Variants in SLC5A1 observed in about 807,000 individuals in gnomAD.
The protein encoded by SLC5A1 is solute carrier family 5 member 1.
SLC5A1 carries 42 observed loss-of-function variants against 73.5 expected under a neutral mutation model. The observed-to-expected ratio is 0.57, with a 90% CI of 0.45 to 0.74. The LOEUF (loss-of-function observed/expected upper bound fraction) is 0.74, where lower values mean the gene tolerates loss of function less well. SLC5A1 is among the 30% of genes least tolerant of loss of function. The pLI is 0.00. For synonymous variants in SLC5A1, 300 were observed against 317.4 expected (o/e 0.95, Z 0.58); for missense variants, 634 against 855.4 (o/e 0.74, Z 3.23).
chr22:32,044,599 A>G (rs2093934733), intron 1 of SLC5A1, among the ~76,000 whole-genome samples: 1 of 151,574 alleles, frequency 6.6e-6, no homozygotes, highest in Admixed American at 6.6e-5. Context: ...AGTATGGCTG[A>G]CTTTTCCTCA....
At chr22:32,050,431 G>A (rs1423206566) in intron 2 of SLC5A1, among the ~76,000 whole-genome samples, 4 of 152,180 alleles carry the variant, frequency 2.6e-5, no homozygotes, top group African/African-American at 7.2e-5. Flanking sequence ...CAGCAGAGAA[G>A]CTTCTGGAAG....
chr22:32,086,461 G>T (rs1431860913), intron 10 of SLC5A1, 134 bp downstream of exon 10: 2 of 706,558 alleles, frequency 2.8e-6, no homozygotes, highest in East Asian at 2.8e-5. Flanking sequence ...AAGCATCATT[G>T]TGGGTGTCCT....
At chr22:32,099,141 G>A (rs531447904) in intron 11 of SLC5A1, 42 bp from the exon 12 acceptor site, 6 of 885,958 alleles carry the variant, frequency 6.8e-6, no homozygotes, top group Admixed American at 5.6e-5. Context: ...TACTCATGTA[G>A]AGCTATTTAT....
At chr22:32,059,743 C>T (rs1200923090) in intron 2 of SLC5A1, among the ~76,000 whole-genome samples, 2 of 152,180 alleles carry the variant, frequency 1.3e-5, no homozygotes, top group African/African-American at 4.8e-5. Context: ...AGAACTCTCA[C>T]AATCCCATCT....
At chr22:32,097,257 G>C (rs1164463749) in intron 11 of SLC5A1, among the ~76,000 whole-genome samples, 1 of 152,212 alleles carries the variant, frequency 6.6e-6, no homozygotes, top group Non-Finnish European at 1.5e-5. Flanking sequence ...CTCAGATAAG[G>C]GAGTGATGAG....
chr22:32,074,490 C>T (rs891786405), intron 5 of SLC5A1, among the ~76,000 whole-genome samples: 2 of 152,156 alleles, frequency 1.3e-5, no homozygotes, highest in African/African-American at 4.8e-5. Context: ...CGTCACCCTC[C>T]TGCTCACGTT....
intron 2 of SLC5A1, among the ~76,000 whole-genome samples, chr22:32,056,338 C>G (rs1472021847): frequency 6.6e-6 from 1 of 151,960 alleles, no homozygotes; most frequent in Non-Finnish European, 1.5e-5. Flanking sequence ...GTTTTAAGTC[C>G]TCCAGGTGAT....
Position 32,066,941 on chromosome 22 carries a change from G to A in SLC5A1, c.214G>A (p.Ala72Thr). The change falls in exon 3 of 15, where the codon GCC (alanine) becomes ACC (threonine). Residue 72 changes from alanine (A) to threonine (T), a missense_variant. Ala to Thr is a moderately conservative substitution (Grantham distance 58). Coordinates refer to ENST00000266088, the MANE Select transcript of SLC5A1 (RefSeq NM_000343.4). Reference sequence around the variant, plus strand: ...CTTTCTTTTGCGTTTCCAGATTGGAGCCTCCCTCTTTGCTAGTAACATTGG... The same window carrying A: ...CTTTCTTTTGCGTTTCCAGATTGGAACCTCCCTCTTTGCTAGTAACATTGG... ...GRSMVWWPIGASLFASNIGSG... is the reference protein window; with the variant it reads ...GRSMVWWPIGTSLFASNIGSG... 1 of 1,612,960 alleles carries A rather than the reference G, an allele frequency of 6.2e-7. No individual in the cohort carries two copies. Among genetic ancestry groups the A allele is most frequent in the Non-Finnish European group, 8.5e-7 (1 of 1,179,088 alleles).
chr22:32,061,259 A>C (rs1352329932), intron 2 of SLC5A1, among the ~76,000 whole-genome samples: 1 of 152,122 alleles, frequency 6.6e-6, no homozygotes, highest in Non-Finnish European at 1.5e-5. Context: ...CCCTGTCTCT[A>C]CTAAAATTAG....
At chr22:32,083,697 A>G (rs566389678) in intron 7 of SLC5A1, among the ~76,000 whole-genome samples, 1 of 149,334 alleles carries the variant, frequency 6.7e-6, no homozygotes, top group African/African-American at 2.5e-5. Flanking sequence ...TTACTTGTCT[A>G]TGAAATCTTA....
chr22:32,056,506 G>A (rs1292395418), intron 2 of SLC5A1, among the ~76,000 whole-genome samples: 1 of 130,718 alleles, frequency 7.7e-6, no homozygotes, highest in East Asian at 2.5e-4. Flanking sequence ...TGCTACAAAT[G>A]TATAATGAAT....
chr22:32,052,505 G>A lies in SLC5A1; in HGVS notation c.207+2491G>A, dbSNP rs537899757. ...AATTGGAGAGGAAGAGAGGGAACCAGGCAACTGGACATGAGAGAGGCAGGG... is the reference window on the plus strand; with the variant it reads ...AATTGGAGAGGAAGAGAGGGAACCAAGCAACTGGACATGAGAGAGGCAGGG... On this transcript the variant is annotated intron_variant, in intron 2 of 14. Coordinates refer to ENST00000266088, the MANE Select transcript of SLC5A1 (RefSeq NM_000343.4). 2.4e-4 allele frequency among the ~76,000 whole-genome samples: 36 copies of A among 152,268 alleles called. No individual in the cohort carries two copies. The East Asian group carries it at 6.4e-3, about 27-fold the overall frequency.
chr22:32,112,362 A>C lies in SLC5A1; in HGVS notation c.*2149A>C, dbSNP rs1229885375. ...GTTCCTCACCTTGGCTGAGTCCCTA[A>C]AACTCTCTGAACCTCAGGTTCCTCC... On this transcript the variant is annotated 3_prime_UTR_variant, in exon 15 of 15. Transcript: ENST00000266088. 2 of 152,140 alleles carry C rather than the reference A, an allele frequency of 1.3e-5. No individual in the cohort carries two copies. Among genetic ancestry groups the C allele is most frequent in the Admixed American group, 1.3e-4 (2 of 15,278 alleles). 9.4% of individuals were successfully genotyped at this position (152,140 alleles called of 1,614,324 possible).
Position 32,068,492 on chromosome 22 carries a change from G to A in SLC5A1, c.373-4G>A. The A allele has an allele frequency of 6.2e-7, 1 of 1,608,160 alleles. No homozygotes were observed. Among genetic ancestry groups the A allele is most frequent in the Non-Finnish European group, 8.5e-7 (1 of 1,174,572 alleles). On this transcript the variant is annotated splice_region_variant and splice_polypyrimidine_tract_variant and intron_variant, in intron 4 of 14. Transcript: ENST00000266088. ...GGCAGTGACCTCCCTCGCACCCCATGCAGGTGGTGACAATGCCAGAGTACC... is the reference window on the plus strand; with the variant it reads ...GGCAGTGACCTCCCTCGCACCCCATACAGGTGGTGACAATGCCAGAGTACC...
intron 8 of SLC5A1, 61 bp downstream of exon 8, chr22:32,084,720 G>A (rs1197758277): frequency 3.2e-6 from 5 of 1,546,508 alleles, no homozygotes; most frequent in African/African-American, 1.4e-5. Flanking sequence ...AGGAACTCCT[G>A]TCTGTCTGTG....
Position 32,084,464 on chromosome 22 carries a change from C to T in SLC5A1, c.690C>T (p.Asp230=), listed in dbSNP as rs200871315. The stretch of plus-strand genomic sequence containing the variant: ...CTTTTCACGAAGTGGGAGGCTATGA[C>T]GCCTTCATGGAAAAGTACATGAAAG... ...GFAFHEVGGY[D]AFMEKYMKAI... Residue 230 remains aspartate, a synonymous_variant, in exon 8 of 15, where the codon GAC becomes GAT. Coordinates refer to ENST00000266088, the MANE Select transcript of SLC5A1 (RefSeq NM_000343.4). 6.1e-5 allele frequency: 99 copies of T among 1,614,050 alleles called. 1 individual carries two copies. The highest frequency in any genetic ancestry group is 1.6e-4 in the Middle Eastern group (1 of 6,084).
intron 4 of SLC5A1, 56 bp from the exon 5 acceptor site, chr22:32,068,440 G>A (rs2093977666): frequency 2.9e-6 from 3 of 1,043,480 alleles, no homozygotes; most frequent in African/African-American, 1.6e-5. Context: ...TGTTCTGTCT[G>A]CTCTGGGCCC....
intron 12 of SLC5A1, 50 bp downstream of exon 12, chr22:32,099,401 T>G: frequency 1.3e-6 from 2 of 1,524,686 alleles, no homozygotes; most frequent in Non-Finnish European, 1.8e-6. Flanking sequence ...CATAGAAGTT[T>G]CCATGTGGGT....
chr22:32,112,313 C>G lies in SLC5A1; in HGVS notation c.*2100C>G, dbSNP rs2094058674. Reference sequence around the variant, plus strand: ...TTCTGCAGCAGGGAGGAGGGACTGTCAACCCCTACACCATGACCACCAAGT... The same window carrying G: ...TTCTGCAGCAGGGAGGAGGGACTGTGAACCCCTACACCATGACCACCAAGT... On this transcript the variant is annotated 3_prime_UTR_variant, in exon 15 of 15. Coordinates refer to ENST00000266088, the MANE Select transcript of SLC5A1 (RefSeq NM_000343.4). 1 of 151,988 alleles carries G rather than the reference C, an allele frequency of 6.6e-6. No individual in the cohort carries two copies. Among genetic ancestry groups the G allele is most frequent in the African/African-American group, 2.4e-5 (1 of 41,370 alleles). 9.4% of individuals were successfully genotyped at this position (151,988 alleles called of 1,614,324 possible).
Sources: allele counts gnomAD v4.1 joint callset (sites outside exome capture counted in the v4.1 genomes callset), GRCh38; gene constraint gnomAD v4.1.1; transcripts MANE v1.5; gene names NCBI Gene and HGNC (gene_info 2026-07-23, HGNC 2026-07-21).